The following SPON2 variants were observed in gnomAD, a reference collection of about 807,000 sequenced individuals.
The protein encoded by SPON2 is spondin-2.
SPON2 carries 32 observed loss-of-function variants against 29.9 expected under a neutral mutation model. That is an observed-to-expected ratio of 1.07 (90% confidence interval 0.81 to 1.44). The LOEUF (loss-of-function observed/expected upper bound fraction) is 1.44. Ranked by LOEUF, SPON2 falls within the 40% of genes most tolerant of loss-of-function variation. The pLI, the probability that SPON2 is intolerant of heterozygous loss-of-function variation, is 0.00. For synonymous variants in SPON2, 248 were observed against 209.1 expected (o/e 1.19, Z -1.61); for missense variants, 541 against 455.5 (o/e 1.19, Z -1.71).
chr4:1,198,352 G>A (rs538098553), upstream of SPON2, among the ~76,000 whole-genome samples: 1 of 152,286 alleles, frequency 6.6e-6, no homozygotes, highest in East Asian at 1.9e-4. Context: ...GTCCGCAGCT[G>A]ACGATGACCT....
At chr4:1,171,237 C>T in intron 3 of SPON2, 26 bp downstream of exon 3, 1 of 1,429,288 alleles carries the variant, frequency 7.0e-7, no homozygotes. Flanking sequence ...CCCCCGGACC[C>T]CGCCCCCGGC....
At chr4:1,171,798 C>A in intron 2 of SPON2, 54 bp downstream of exon 2, 1 of 1,262,280 alleles carries the variant, frequency 7.9e-7, no homozygotes, top group South Asian at 1.2e-5. Flanking sequence ...GCGGGGGGCT[C>A]CGGCGCCGCA....
Position 1,179,507 on chromosome 4 carries a change from T to C in SPON2, c.-204A>G, listed in dbSNP as rs1727669076. ...GCAAAAAGGGCAGCATAAGGACCTC[T>C]GAGAATTCTCATCTTCCTCCAAGCA... On this transcript the variant is annotated 5_prime_UTR_variant, in exon 2 of 4. Transcript: ENST00000502483. 5.3e-5 allele frequency: 8 copies of C among 152,338 alleles called. No homozygotes were observed. In the South Asian group the frequency reaches 1.7e-3, roughly 32 times the overall value. 9.4% of individuals were successfully genotyped at this position (152,338 alleles called of 1,614,324 possible). A position where few individuals can be genotyped will look rare whatever the true frequency, so the allele number is the denominator to read the frequency against.
chr4:1,194,630 C>T (rs984127054), intron 1 of SPON2, among the ~76,000 whole-genome samples: 3 of 152,172 alleles, frequency 2.0e-5, no homozygotes, highest in Non-Finnish European at 4.4e-5. Context: ...CTGCTCTGGC[C>T]CGCGGGACCT....
intron 1 of SPON2, chr4:1,201,568 T>C (rs1369310918): frequency 6.4e-6 from 1 of 156,434 alleles, no homozygotes; most frequent in Non-Finnish European, 1.4e-5. Context: ...GCGCAGTTTC[T>C]GGTTTTCTGA....
chr4:1,201,189 T>C, intron 1 of SPON2: 2 of 446,738 alleles, frequency 4.5e-6, no homozygotes, highest in African/African-American at 2.0e-5. Flanking sequence ...CTCCAGCCCC[T>C]CCCCCCGCAG....
At chr4:1,205,507 G>T (rs890694837) in intron 1 of SPON2, among the ~76,000 whole-genome samples, 6 of 152,310 alleles carry the variant, frequency 3.9e-5, no homozygotes, top group Non-Finnish European at 8.8e-5. Context: ...CCCTGCAGAG[G>T]TGCTAAGGTT....
chr4:1,201,179 C>T, intron 1 of SPON2: 1 of 450,926 alleles, frequency 2.2e-6, no homozygotes. Flanking sequence ...GCCCCAGTTC[C>T]TCCAGCCCCT....
chr4:1,193,073 A>T (rs1393907089), intron 1 of SPON2, among the ~76,000 whole-genome samples: 2 of 152,178 alleles, frequency 1.3e-5, no homozygotes, highest in Non-Finnish European at 2.9e-5. Context: ...ACACACTTGT[A>T]TACGTACACA....
At chr4:1,185,986 T>A (rs1727786359) in intron 1 of SPON2, among the ~76,000 whole-genome samples, 1 of 151,866 alleles carries the variant, frequency 6.6e-6, no homozygotes, top group African/African-American at 2.4e-5. Flanking sequence ...GGCTCACGCC[T>A]GTAATCCCAG....
chr4:1,196,387 C>T (rs942665033), upstream of SPON2, among the ~76,000 whole-genome samples: 1 of 152,214 alleles, frequency 6.6e-6, no homozygotes, highest in Non-Finnish European at 1.5e-5. Flanking sequence ...CCATGGGAAC[C>T]TCTCATCTAT....
chr4:1,168,394 G>A (rs556550873), intron 5 of SPON2, among the ~76,000 whole-genome samples: 1 of 152,308 alleles, frequency 6.6e-6, no homozygotes, highest in South Asian at 2.1e-4. Flanking sequence ...ACAAATCTGC[G>A]AGTACCCTGC....
At chr4:1,178,132 G>A (rs998321612), upstream of SPON2, among the ~76,000 whole-genome samples, 1 of 148,892 alleles carries the variant, frequency 6.7e-6, no homozygotes, top group African/African-American at 2.5e-5. Context: ...CAGACACCAC[G>A]GGCTCTGCAC....
intron 5 of SPON2, among the ~76,000 whole-genome samples, chr4:1,168,697 C>T (rs1197338805): frequency 6.6e-6 from 1 of 152,218 alleles, no homozygotes; most frequent in African/African-American, 2.4e-5. Context: ...GTGGGAGCGC[C>T]CCTGCCCTGG....
In SPON2 at chr4:1,171,161, G is replaced by A. The variant is rs199633664; in HGVS notation, c.474C>T (p.Ser158=). 7.2e-5 allele frequency: 111 copies of A among 1,550,528 alleles called. 1 individual carries two copies. In the East Asian group the frequency reaches 1.0e-3, roughly 14 times the overall value. ...LVSFVVRIVP[S]PDWFVGVDSL... ...TGTCCACGCCCACGAACCAGTCGGG[G>A]CTGGGCACGATGCGCACCACAAACG... The change falls in exon 4 of 6, where the codon AGC becomes AGT. Residue 158 remains serine, a synonymous_variant. Coordinates refer to ENST00000290902, the MANE Select transcript of SPON2 (RefSeq NM_012445.4).
At chr4:1,204,379 G>A (rs899777543) in intron 1 of SPON2, among the ~76,000 whole-genome samples, 9 of 152,074 alleles carry the variant, frequency 5.9e-5, no homozygotes, top group African/African-American at 1.9e-4. Context: ...AATATTAGAC[G>A]GGCACTGACT....
chr4:1,201,877 C>T (rs942226283), intron 1 of SPON2, among the ~76,000 whole-genome samples: 4 of 152,216 alleles, frequency 2.6e-5, no homozygotes, highest in Non-Finnish European at 5.9e-5. Flanking sequence ...GCCACCTCGC[C>T]CAGCCGGTGC....
At position 1,193,680 on chromosome 4, in the gene SPON2, G is replaced by GAC. The variant is rs1295384457; in HGVS notation, c.-239+1309_-239+1310insGT. On this transcript the variant is annotated intron_variant, in intron 1 of 3. Transcript: ENST00000502483. ...GGAAGGATGTGGGGGGTGTGGGAAG[G>GAC]ATGTAGGGGGCGTGGGAAGGACGTG... Among the ~76,000 whole-genome samples the GAC allele has an allele frequency of 1.5e-4, 4 of 26,596 alleles. 1 individual carries two copies. The East Asian group carries it at 2.6e-3, about 17-fold the overall frequency. The allele number at this position is 26,596 out of a possible 152,430, so 17.4% of individuals were successfully genotyped here.
chr4:1,169,177 G>A (rs767760803), intron 5 of SPON2, among the ~76,000 whole-genome samples: 30 of 151,948 alleles, frequency 2.0e-4, no homozygotes, highest in Non-Finnish European at 4.1e-4. Flanking sequence ...CCTGCCCACT[G>A]TGGCCCAGTG....
Sources: gnomAD v4.1 joint callset for allele counts (sites outside exome capture counted in the v4.1 genomes callset) on GRCh38, gnomAD v4.1.1 for gene constraint, MANE v1.5 for transcripts, NCBI Gene and HGNC (gene_info 2026-07-23, HGNC 2026-07-21) for gene names.